The following TMEM131 variants were observed in gnomAD, a reference collection of about 807,000 sequenced individuals.
The protein encoded by TMEM131 is transmembrane protein 131.
A neutral mutation model predicts 211.6 loss-of-function variants in TMEM131; 66 were observed. The observed-to-expected ratio is 0.31, with a 90% CI of 0.26 to 0.38. The LOEUF is 0.38. Ranked by LOEUF, TMEM131 falls within the 10% of genes least tolerant of loss-of-function variation. TMEM131 has a pLI of 1.00. For missense variants in TMEM131, 2,036 were observed against 2,299.3 expected (o/e 0.89, Z 2.34); for synonymous variants, 844 against 841.3 (o/e 1.00, Z -0.06).
chr2:97,782,002 C>G (rs1457539155), intron 31 of TMEM131, among the ~76,000 whole-genome samples: 1 of 152,234 alleles, frequency 6.6e-6, no homozygotes, highest in African/African-American at 2.4e-5. Flanking sequence ...AAGGCTGTAA[C>G]CAGACATCCC....
Position 97,796,358 on chromosome 2 carries a change from C to T in TMEM131, c.3060G>A (p.Lys1020=). 6.5e-7 allele frequency: 1 copy of T among 1,539,800 alleles called. No individual in the cohort carries two copies. ...EPNFTLKRTF[K]VENTGQLQIH... is the part of the protein sequence containing the mutation. ...TTTGAAGTTGTCCTGTATTCTCTAC[C>T]TTAAATGTTCTTTTCAATGTGAAAT... is the stretch of plus-strand genomic sequence containing the variant. The change falls in exon 28 of 41, where the codon AAG becomes AAA. Residue 1020 remains lysine (K), a synonymous_variant. Coordinates refer to ENST00000186436, the MANE Select transcript of TMEM131 (RefSeq NM_015348.2).
intron 5 of TMEM131, among the ~76,000 whole-genome samples, chr2:97,856,879 T>A (rs1177660583): frequency 6.6e-6 from 1 of 152,214 alleles, no homozygotes; most frequent in African/African-American, 2.4e-5. Context: ...TTTGGCTATC[T>A]CCTTTGAGCT....
intron 1 of TMEM131, among the ~76,000 whole-genome samples, chr2:97,985,781 G>T (rs547845128): frequency 4.5e-4 from 69 of 152,126 alleles, no homozygotes; most frequent in African/African-American, 1.6e-3. Context: ...TCAATAAGTG[G>T]TGTTAAGGCA....
At chr2:97,827,068 CAAAAAAAAAAAAA>C (rs66841026) in intron 11 of TMEM131, among the ~76,000 whole-genome samples, 4 of 93,684 alleles carry the variant, frequency 4.3e-5, no homozygotes, top group African/African-American at 1.2e-4. Context: ...AAGTGATAAG[CAAAAAAAAAAAAA>C]AAAAAAAAAA....
intron 8 of TMEM131, 40 bp from the exon 9 acceptor site, chr2:97,834,965 A>G: frequency 6.2e-7 from 1 of 1,607,244 alleles, no homozygotes. Flanking sequence ...CAGCTTTTGT[A>G]ATGTAGCAAA....
intron 2 of TMEM131, among the ~76,000 whole-genome samples, chr2:97,921,021 A>G (rs1206288986): frequency 6.6e-6 from 1 of 151,594 alleles, no homozygotes; most frequent in Non-Finnish European, 1.5e-5. Flanking sequence ...CTAATTGAAA[A>G]GATACATATG....
rs1041204834 is a variant in TMEM131, at chr2:97,847,169, CAG to C, written c.484-2910_484-2909del. The stretch of plus-strand genomic sequence containing the variant: ...GCGCCACTGCACTCCAGCCTGGTGA[CAG>C]AGTGAGATTCGGTCTCAAAAATAAA... On this transcript the variant is annotated intron_variant, in intron 5 of 40. Coordinates refer to ENST00000186436, the MANE Select transcript of TMEM131 (RefSeq NM_015348.2). Among the ~76,000 whole-genome samples, 5 of 144,092 alleles carry C rather than the reference CAG, an allele frequency of 3.5e-5. No individual in the cohort carries two copies. The Admixed American group carries it at 3.7e-4, about 11-fold the overall frequency. 94.5% of individuals were successfully genotyped at this position (144,092 alleles called of 152,430 possible). A position where few individuals can be genotyped will look rare whatever the true frequency, so the allele number is the denominator to read the frequency against.
intron 1 of TMEM131, among the ~76,000 whole-genome samples, chr2:97,954,291 A>G (rs1678460017): frequency 6.6e-6 from 1 of 152,260 alleles, no homozygotes; most frequent in Non-Finnish European, 1.5e-5. Flanking sequence ...AAAGGTGAAG[A>G]CACAAAGCAC....
At chr2:97,782,106 C>T (rs1282564983) in intron 31 of TMEM131, among the ~76,000 whole-genome samples, 1 of 152,226 alleles carries the variant, frequency 6.6e-6, no homozygotes, top group Non-Finnish European at 1.5e-5. Flanking sequence ...CCTGGCCAGG[C>T]ACTAAGGAGC....
chr2:97,847,626 T>C (rs750718018), intron 5 of TMEM131, among the ~76,000 whole-genome samples: 8 of 152,146 alleles, frequency 5.3e-5, no homozygotes, highest in Admixed American at 2.6e-4. Flanking sequence ...CTAATGCAAG[T>C]GGAACCAAAA....
intron 25 of TMEM131, among the ~76,000 whole-genome samples, chr2:97,799,120 G>A (rs1199527772): frequency 6.6e-6 from 1 of 152,084 alleles, no homozygotes; most frequent in Non-Finnish European, 1.5e-5. Flanking sequence ...ACCGATAGAC[G>A]TTATTTGTCT....
intron 1 of TMEM131, among the ~76,000 whole-genome samples, chr2:97,955,676 TA>T (rs1678535467): frequency 6.6e-6 from 1 of 151,816 alleles, no homozygotes; most frequent in African/African-American, 2.4e-5. Flanking sequence ...ACCAAAAAGT[TA>T]AAAACAAGAC....
intron 11 of TMEM131, among the ~76,000 whole-genome samples, chr2:97,830,934 G>T (rs545165250): frequency 6.6e-6 from 1 of 152,324 alleles, no homozygotes; most frequent in South Asian, 2.1e-4. Flanking sequence ...TTCTATGTTT[G>T]TGAAACAAAA....
At chr2:97,938,571 T>C (rs558026728) in intron 1 of TMEM131, among the ~76,000 whole-genome samples, 172 of 152,106 alleles carry the variant, frequency 1.1e-3, no homozygotes, top group African/African-American at 4.0e-3. Context: ...TCCCACACAA[T>C]AATAATGGGA....
intron 15 of TMEM131, 75 bp downstream of exon 15, chr2:97,813,896 C>T (rs1307030748): frequency 6.7e-6 from 8 of 1,195,960 alleles, no homozygotes; most frequent in African/African-American, 4.6e-5. Flanking sequence ...GTATGTAACA[C>T]GACTGCCTAA....
intron 1 of TMEM131, among the ~76,000 whole-genome samples, chr2:97,949,278 A>T (rs1300892897): frequency 1.3e-5 from 2 of 152,220 alleles, no homozygotes; most frequent in Non-Finnish European, 2.9e-5. Flanking sequence ...ATACTGTATG[A>T]TTCTGCTTAT....
rs1476922713 is a variant in TMEM131, at chr2:97,814,156, A to C, written c.1447-15T>G. ...AAGTTGTGAACCTGAGAAATGACAGAAGAGAAAAAAAACAAAGTGTCAGCA... is the reference window on the plus strand; with the variant it reads ...AAGTTGTGAACCTGAGAAATGACAGCAGAGAAAAAAAACAAAGTGTCAGCA... On this transcript the variant is annotated splice_polypyrimidine_tract_variant and intron_variant, in intron 14 of 40. Coordinates refer to ENST00000186436, the MANE Select transcript of TMEM131 (RefSeq NM_015348.2). The C allele has an allele frequency of 6.2e-7, 1 of 1,612,414 alleles. No individual in the cohort carries two copies. Among genetic ancestry groups the C allele is most frequent in the Non-Finnish European group, 8.5e-7 (1 of 1,179,064 alleles).
At chr2:97,945,028 G>A (rs1032290495) in intron 1 of TMEM131, among the ~76,000 whole-genome samples, 3 of 152,154 alleles carry the variant, frequency 2.0e-5, no homozygotes, top group African/African-American at 7.2e-5. Context: ...TAATAGCATT[G>A]TTCAAATTCA....
chr2:97,936,191 C>T lies in TMEM131; in HGVS notation c.188-8704G>A, dbSNP rs373691547. ...AATTTTTAAAAATTTGGCTGCAGAA[C>T]AATGTGGTAGATGACAGTTGGGCCA... On this transcript the variant is annotated intron_variant, in intron 1 of 40. Coordinates refer to ENST00000186436, the MANE Select transcript of TMEM131 (RefSeq NM_015348.2). Among the ~76,000 whole-genome samples, 31 of 152,314 alleles carry T rather than the reference C, an allele frequency of 2.0e-4. 1 individual carries two copies. The East Asian group carries it at 4.2e-3, about 21-fold the overall frequency.
Sources: gnomAD v4.1 joint callset for allele counts (sites outside exome capture counted in the v4.1 genomes callset) on GRCh38, gnomAD v4.1.1 for gene constraint, MANE v1.5 for transcripts, NCBI Gene and HGNC (gene_info 2026-07-23, HGNC 2026-07-21) for gene names.